RPA3: variants seen among roughly 807,000 people sequenced by gnomAD.
RPA3 encodes the protein replication protein A3, also known as replication protein A 14 kDa subunit.
Under a neutral mutation model 13.7 loss-of-function variants are expected in RPA3, and 24 were observed. That is an observed-to-expected ratio of 1.75 (90% CI 1.27 to 2.46). The LOEUF (loss-of-function observed/expected upper bound fraction) is 2.46. RPA3 is among the 30% of genes most tolerant of loss of function. The pLI is 0.00. For missense variants in RPA3, 183 were observed against 151.0 expected (o/e 1.21, Z -1.11); for synonymous variants, 59 against 51.2 (o/e 1.15, Z -0.65).
chr7:7,703,165 A>G (rs1780505730), intron 2 of RPA3, among the ~76,000 whole-genome samples: 1 of 152,204 alleles, frequency 6.6e-6, no homozygotes, highest in East Asian at 1.9e-4. Flanking sequence ...GAAAATAATT[A>G]CTGGTGCCCA....
chr7:7,647,814 A>G (rs73351876), intron 4 of RPA3, among the ~76,000 whole-genome samples: 1,805 of 152,300 alleles, frequency 0.012, 29 homozygotes, highest in African/African-American at 0.04. Context: ...TTTGTTGCCC[A>G]GGCTGGTCCA....
chr7:7,652,637 G>A (rs539370290), intron 4 of RPA3, among the ~76,000 whole-genome samples: 1 of 152,206 alleles, frequency 6.6e-6, no homozygotes, highest in African/African-American at 2.4e-5. Context: ...GGTTAATTCC[G>A]TGAATTTGGA....
At chr7:7,664,008 A>C (rs1403181781) in intron 4 of RPA3, among the ~76,000 whole-genome samples, 1 of 152,166 alleles carries the variant, frequency 6.6e-6, no homozygotes, top group Non-Finnish European at 1.5e-5. Flanking sequence ...CCTAGGTCTA[A>C]AACACTTTGC....
intron 2 of RPA3, among the ~76,000 whole-genome samples, chr7:7,694,221 T>G (rs28912710): frequency 6.6e-6 from 1 of 152,176 alleles, no homozygotes; most frequent in Admixed American, 6.5e-5. Flanking sequence ...CTTGTACTTA[T>G]TGGTAACTTT....
At chr7:7,714,674 CTTA>C (rs1780848539) in intron 2 of RPA3, among the ~76,000 whole-genome samples, 1 of 152,026 alleles carries the variant, frequency 6.6e-6, no homozygotes, top group Non-Finnish European at 1.5e-5. Flanking sequence ...ATAAGAAAGA[CTTA>C]GAACTCCATC....
chr7:7,668,137 T>A (rs1289637366), intron 4 of RPA3, among the ~76,000 whole-genome samples: 1 of 151,944 alleles, frequency 6.6e-6, no homozygotes, highest in Non-Finnish European at 1.5e-5. Context: ...TGGTCTCAAC[T>A]CTTGGGCTCA....
chr7:7,654,438 T>G (rs1785295460), intron 4 of RPA3, among the ~76,000 whole-genome samples: 1 of 152,228 alleles, frequency 6.6e-6, no homozygotes, highest in African/African-American at 2.4e-5. Flanking sequence ...ACAGTTATCC[T>G]TCGGTATCCC....
chr7:7,693,977 G>T (rs1407166939), intron 2 of RPA3, among the ~76,000 whole-genome samples: 2 of 152,110 alleles, frequency 1.3e-5, no homozygotes, highest in East Asian at 3.9e-4. Context: ...TGCCATTATT[G>T]TCAGTTGTTC....
chr7:7,660,301 A>G (rs1010721558), intron 4 of RPA3, among the ~76,000 whole-genome samples: 10 of 152,112 alleles, frequency 6.6e-5, no homozygotes, highest in African/African-American at 2.4e-4. Flanking sequence ...GCCCATTTAC[A>G]TTTCAGGTTA....
At chr7:7,702,441 C>G (rs1235343857) in intron 2 of RPA3, among the ~76,000 whole-genome samples, 1 of 151,930 alleles carries the variant, frequency 6.6e-6, no homozygotes, top group Admixed American at 6.6e-5. Flanking sequence ...TACGAAAATT[C>G]TGGTTGGGGA....
chr7:7,707,864 A>T (rs1164314241), intron 2 of RPA3, among the ~76,000 whole-genome samples: 1 of 152,188 alleles, frequency 6.6e-6, no homozygotes, highest in Non-Finnish European at 1.5e-5. Flanking sequence ...TTATTTTGCT[A>T]TGTGAGCTGT....
At chr7:7,649,811 A>G (rs890624065) in intron 4 of RPA3, among the ~76,000 whole-genome samples, 1 of 152,122 alleles carries the variant, frequency 6.6e-6, no homozygotes, top group African/African-American at 2.4e-5. Context: ...ATTAGGAGGT[A>G]AGGCCTTTGA....
At chr7:7,667,414 G>A (rs929177054) in intron 4 of RPA3, among the ~76,000 whole-genome samples, 1 of 152,110 alleles carries the variant, frequency 6.6e-6, no homozygotes, top group African/African-American at 2.4e-5. Context: ...AGAGCTTACC[G>A]CATACTAGGC....
chr7:7,652,644 T>C (rs1320226929), intron 4 of RPA3, among the ~76,000 whole-genome samples: 2 of 152,310 alleles, frequency 1.3e-5, no homozygotes, highest in African/African-American at 4.8e-5. Flanking sequence ...TCCGTGAATT[T>C]GGAGAAAGTG....
At chr7:7,662,103 A>G (rs1409955482) in intron 4 of RPA3, among the ~76,000 whole-genome samples, 3 of 152,036 alleles carry the variant, frequency 2.0e-5, no homozygotes, top group Non-Finnish European at 4.4e-5. Context: ...ATCTTTGTTT[A>G]CACTGTGAGG....
intron 4 of RPA3, among the ~76,000 whole-genome samples, chr7:7,665,019 A>ACG (rs1563099455): frequency 3.5e-5 from 5 of 141,910 alleles, no homozygotes; most frequent in African/African-American, 1.3e-4. Context: ...ATATATACAC[A>ACG]CACACACACA....
At chr7:7,665,531 T>C (rs1484551135) in intron 4 of RPA3, among the ~76,000 whole-genome samples, 1 of 152,234 alleles carries the variant, frequency 6.6e-6, no homozygotes, top group Non-Finnish European at 1.5e-5. Flanking sequence ...AAGAACTTTA[T>C]TGAGATTGGA....
chr7:7,643,493 C>T (rs2115542854), intron 4 of RPA3, among the ~76,000 whole-genome samples: 1 of 152,256 alleles, frequency 6.6e-6, no homozygotes, highest in East Asian at 1.9e-4. Flanking sequence ...GGTGGATCAC[C>T]TCAGATCAGA....
chr7:7,685,553 C>T (rs895253527), intron 4 of RPA3, among the ~76,000 whole-genome samples: 2 of 152,094 alleles, frequency 1.3e-5, no homozygotes, highest in Non-Finnish European at 2.9e-5. Context: ...GTGATCCGCC[C>T]GCCCCTGTAA....
Sources: gnomAD v4.1 joint callset for allele counts (sites outside exome capture counted in the v4.1 genomes callset) on GRCh38, gnomAD v4.1.1 for gene constraint, MANE v1.5 for transcripts, NCBI Gene and HGNC (gene_info 2026-07-23, HGNC 2026-07-21) for gene names.